Variants in COP1 observed in about 807,000 individuals in gnomAD.
The protein encoded by COP1 is COP1 E3 ubiquitin ligase.
COP1 carries 24 observed loss-of-function variants against 101.3 expected under a neutral mutation model. That is an observed-to-expected ratio of 0.24 (90% CI 0.17 to 0.33). The LOEUF is 0.33. Ranked by LOEUF, COP1 falls within the 10% of genes least tolerant of loss-of-function variation. The pLI is 1.00. For synonymous variants in COP1, 347 were observed against 341.9 expected (o/e 1.01, Z -0.17); for missense variants, 663 against 906.2 (o/e 0.73, Z 3.45).
intron 3 of COP1, among the ~76,000 whole-genome samples, chr1:176,169,940 A>G (rs1382052027): frequency 6.6e-6 from 1 of 152,244 alleles, no homozygotes; most frequent in Non-Finnish European, 1.5e-5. Flanking sequence ...GTAATATTCT[A>G]AATTCTTTGA....
At chr1:176,100,943 T>C (rs1572235218) in intron 9 of COP1, among the ~76,000 whole-genome samples, 4 of 152,094 alleles carry the variant, frequency 2.6e-5, no homozygotes, top group South Asian at 4.2e-4. Context: ...CCGGATCTGA[T>C]GGATCCAGAG....
At chr1:176,104,076 A>C (rs1176275443) in intron 9 of COP1, among the ~76,000 whole-genome samples, 2 of 152,172 alleles carry the variant, frequency 1.3e-5, no homozygotes, top group East Asian at 3.9e-4. Context: ...CAATACAGAA[A>C]CAGAAACAGA....
chr1:176,166,152 G>A (rs1695112991), intron 3 of COP1, among the ~76,000 whole-genome samples: 2 of 151,588 alleles, frequency 1.3e-5, no homozygotes, highest in South Asian at 2.1e-4. Flanking sequence ...ATTGAGACAG[G>A]GTGTGACTCT....
At chr1:176,058,016 C>T (rs1463717622) in intron 11 of COP1, among the ~76,000 whole-genome samples, 1 of 84,442 alleles carries the variant, frequency 1.2e-5, no homozygotes, top group African/African-American at 2.9e-5. Flanking sequence ...CCCCTCCGCC[C>T]GGCAGCCGCC....
intron 18 of COP1, among the ~76,000 whole-genome samples, chr1:175,968,754 T>C (rs1408800916): frequency 6.6e-6 from 1 of 152,226 alleles, no homozygotes; most frequent in African/African-American, 2.4e-5. Context: ...AGGATTTAGA[T>C]ACAAAACAAC....
chr1:176,051,591 C>A (rs1248871479), intron 11 of COP1, among the ~76,000 whole-genome samples: 4 of 150,576 alleles, frequency 2.7e-5, no homozygotes, highest in East Asian at 2.0e-4. Context: ...TAAAAAAAAA[C>A]AAACAAACTG....
At chr1:176,077,629 A>T (rs1028827354) in intron 11 of COP1, among the ~76,000 whole-genome samples, 1 of 152,184 alleles carries the variant, frequency 6.6e-6, no homozygotes, top group Non-Finnish European at 1.5e-5. Flanking sequence ...CCTATTCAAC[A>T]TTATACTGAA....
chr1:175,990,849 AT>A (rs1186634901), intron 15 of COP1, among the ~76,000 whole-genome samples: 3 of 151,272 alleles, frequency 2.0e-5, no homozygotes, highest in Admixed American at 1.3e-4. Flanking sequence ...ACTTTAACCT[AT>A]TTGTGTCTGT....
Position 176,085,846 on chromosome 1 carries a change from T to C in COP1, c.1071A>G (p.Arg357=), listed in dbSNP as rs1362187355. 8.1e-6 allele frequency: 13 copies of C among 1,608,904 alleles called. No individual in the cohort carries two copies. The highest frequency in any genetic ancestry group is 1.1e-5 in the Non-Finnish European group (13 of 1,176,304). The stretch of plus-strand genomic sequence containing the variant: ...CTTCAAAATGAGCAGTAAGTCGTTT[T>C]CGTCTTGATGCTAACGTGCTATTAT... ...PWYNSTLASR[R]KRLTAHFEDL... is the part of the protein sequence containing the mutation. The change falls in exon 10 of 20, where the codon CGA becomes CGG. Residue 357 remains arginine, a synonymous_variant. Transcript: ENST00000367669.
At chr1:176,007,282 G>T (rs1663512447) in intron 15 of COP1, among the ~76,000 whole-genome samples, 1 of 152,014 alleles carries the variant, frequency 6.6e-6, no homozygotes, top group Non-Finnish European at 1.5e-5. Context: ...CTTTGCCTTT[G>T]GTTTGCATGT....
At chr1:176,043,610 A>G in intron 13 of COP1, 100 bp downstream of exon 13, 1 of 748,256 alleles carries the variant, frequency 1.3e-6, no homozygotes, top group Non-Finnish European at 2.3e-6. Context: ...AATACTAAAT[A>G]GTGACTTCAA....
chr1:175,952,653 A>C (rs1650095623), intron 18 of COP1, among the ~76,000 whole-genome samples: 2 of 152,162 alleles, frequency 1.3e-5, no homozygotes, highest in Non-Finnish European at 2.9e-5. Flanking sequence ...TCACACCTGC[A>C]ATGCCAGCAC....
At chr1:175,968,422 CTT>C (rs1182715410) in intron 18 of COP1, 1 of 518,518 alleles carries the variant, frequency 1.9e-6, no homozygotes, top group South Asian at 1.4e-5. Context: ...AACGATCAGA[CTT>C]AGCCAGCTGT....
At chr1:176,177,007 A>G (rs1471683891) in intron 2 of COP1, among the ~76,000 whole-genome samples, 1 of 152,162 alleles carries the variant, frequency 6.6e-6, no homozygotes, top group Non-Finnish European at 1.5e-5. Context: ...GGAAATATAT[A>G]TTTAGAAGGG....
At chr1:176,049,628 G>T (rs12729524) in intron 11 of COP1, among the ~76,000 whole-genome samples, 42,716 of 151,732 alleles carry the variant, frequency 0.28, 6,779 homozygotes, top group East Asian at 0.49. Context: ...CTAAGACTCA[G>T]GATTTAAGGA....
At chr1:176,062,298 G>A (rs999612246) in intron 11 of COP1, among the ~76,000 whole-genome samples, 2 of 151,992 alleles carry the variant, frequency 1.3e-5, no homozygotes, top group Non-Finnish European at 2.9e-5. Context: ...CACTGAGCCC[G>A]GCCAAGAAAG....
At chr1:176,158,872 C>T (rs1218684418) in intron 5 of COP1, among the ~76,000 whole-genome samples, 8 of 152,038 alleles carry the variant, frequency 5.3e-5, no homozygotes, top group South Asian at 2.1e-4. Flanking sequence ...AACTCCTGAG[C>T]TCAGGCAATC....
chr1:176,135,167 T>C (rs972498309), intron 7 of COP1, 81 bp from the exon 8 acceptor site: 27 of 919,090 alleles, frequency 2.9e-5, no homozygotes, highest in Non-Finnish European at 4.3e-5. Flanking sequence ...ATATATTCCT[T>C]TCTATTCCCA....
intron 11 of COP1, among the ~76,000 whole-genome samples, chr1:176,051,910 C>T (rs565503309): frequency 6.6e-6 from 1 of 151,632 alleles, no homozygotes; most frequent in East Asian, 1.9e-4. Flanking sequence ...GCAAAAAAAT[C>T]ACAAAGTCAA....
Sources: gnomAD v4.1 joint callset for allele counts (sites outside exome capture counted in the v4.1 genomes callset) on GRCh38, gnomAD v4.1.1 for gene constraint, MANE v1.5 for transcripts, NCBI Gene and HGNC (gene_info 2026-07-23, HGNC 2026-07-21) for gene names.